Variants in ERICH1 observed in about 807,000 individuals in gnomAD.
ERICH1 encodes glutamate rich 1.
ERICH1 carries 56 observed loss-of-function variants against 39.6 expected under a neutral mutation model. The ratio of observed to expected loss-of-function variants is 1.41; its 90% CI spans 1.14 to 1.77. The LOEUF is 1.77. Among genes scored for constraint, ERICH1 ranks in the 40% most tolerant of loss-of-function variants. The pLI, the probability that ERICH1 is intolerant of heterozygous loss-of-function variation, is 0.00. For missense variants in ERICH1, 826 were observed against 575.4 expected (o/e 1.44, Z -4.45); for synonymous variants, 313 against 223.6 (o/e 1.40, Z -3.57).
At chr8:693,235 G>A (rs1478860923) in intron 2 of ERICH1, among the ~76,000 whole-genome samples, 1 of 151,732 alleles carries the variant, frequency 6.6e-6, no homozygotes, top group Non-Finnish European at 1.5e-5. Flanking sequence ...CACACAGAGA[G>A]ATACACAAAT....
chr8:624,406 C>A (rs1187002155), intron 3 of ERICH1, among the ~76,000 whole-genome samples: 1 of 152,252 alleles, frequency 6.6e-6, no homozygotes, highest in Non-Finnish European at 1.5e-5. Flanking sequence ...TGCAGTTCTA[C>A]TCCTAGGCAC....
At chr8:692,031 A>T (rs1809017228) in intron 3 of ERICH1, among the ~76,000 whole-genome samples, 2 of 152,192 alleles carry the variant, frequency 1.3e-5, no homozygotes, top group Admixed American at 6.5e-5. Flanking sequence ...AATTATAATA[A>T]TTTTTTCCAA....
Position 673,587 on chromosome 8 carries a change from C to G in ERICH1, c.765G>C (p.Glu255Asp), listed in dbSNP as rs1328574532. The change falls in exon 4 of 6, where the codon GAG (glutamate) becomes GAC (aspartate). Residue 255 changes from glutamate (E) to aspartate (D), a missense_variant. Transcript: ENST00000262109. ...ARQEEGADAS[E>D]EDPTPAGEED... is the part of the protein sequence containing the mutation. ...CCTCCCCGGCCGGTGTCGGATCTTC[C>G]TCACTGGCGTCCGCACCCTCTTCCT... 6.4e-7 allele frequency: 1 copy of G among 1,553,868 alleles called. No individual in the cohort carries two copies. The highest frequency in any genetic ancestry group is 8.8e-7 in the Non-Finnish European group (1 of 1,132,390).
chr8:725,558 C>T (rs2132455420), intron 1 of ERICH1, among the ~76,000 whole-genome samples: 1 of 152,266 alleles, frequency 6.6e-6, no homozygotes, highest in East Asian at 1.9e-4. Flanking sequence ...ACTTCCCTCT[C>T]CAGCTGTACA....
intron 2 of ERICH1, among the ~76,000 whole-genome samples, chr8:715,045 G>T (rs1815546452): frequency 6.8e-6 from 1 of 146,406 alleles, no homozygotes; most frequent in Admixed American, 6.8e-5. Flanking sequence ...CTATTCCCGT[G>T]TCTCTCGGTG....
intron 3 of ERICH1, among the ~76,000 whole-genome samples, chr8:643,062 C>T (rs574761380): frequency 3.3e-5 from 5 of 152,324 alleles, no homozygotes; most frequent in South Asian, 4.2e-4. Context: ...TGGATAAGCA[C>T]CCCGCCCCTC....
intron 3 of ERICH1, among the ~76,000 whole-genome samples, chr8:627,812 A>G (rs1797679807): frequency 6.6e-6 from 1 of 152,188 alleles, no homozygotes; most frequent in African/African-American, 2.4e-5. Context: ...TGGTCATAGC[A>G]AAGAGCCAGC....
intron 3 of ERICH1, among the ~76,000 whole-genome samples, chr8:688,881 TCTA>T (rs1228538205): frequency 6.6e-6 from 1 of 152,220 alleles, no homozygotes; most frequent in African/African-American, 2.4e-5. Flanking sequence ...AGCGCTGAAC[TCTA>T]AAGGGAATAC....
chr8:654,726 G>A (rs1472337858), intron 3 of ERICH1, among the ~76,000 whole-genome samples: 1 of 152,144 alleles, frequency 6.6e-6, no homozygotes, highest in Non-Finnish European at 1.5e-5. Flanking sequence ...CTGCCATGGA[G>A]ATGTCCCCAC....
At chr8:670,130 C>G (rs1802953775) in intron 4 of ERICH1, among the ~76,000 whole-genome samples, 2 of 152,160 alleles carry the variant, frequency 1.3e-5, no homozygotes, top group South Asian at 4.1e-4. Flanking sequence ...CACTAATTCT[C>G]TTTTATACCA....
In ERICH1 at chr8:696,372, C is replaced by T. The variant is rs1384634294; in HGVS notation, c.170-3760G>A. Among the ~76,000 whole-genome samples, 7 of 16,250 alleles carry T rather than the reference C, an allele frequency of 4.3e-4. 1 individual carries two copies. Among genetic ancestry groups the T allele is most frequent in the African/African-American group, 3.3e-3 (7 of 2,090 alleles). The allele number at this position is 16,250 out of a possible 152,430, so 10.7% of individuals were successfully genotyped here. A position where few individuals can be genotyped will look rare whatever the true frequency, so the allele number is the denominator to read the frequency against. On this transcript the variant is annotated intron_variant, in intron 2 of 5. Coordinates refer to ENST00000262109, the MANE Select transcript of ERICH1 (RefSeq NM_207332.3). ...TCTCCTTCCTCCCCATCAGCCTGCGCTCGCTCCTCACCCTCCACTCTTCTC... is the reference window on the plus strand; with the variant it reads ...TCTCCTTCCTCCCCATCAGCCTGCGTTCGCTCCTCACCCTCCACTCTTCTC...
At position 708,689 on chromosome 8, in the gene ERICH1, T is replaced by TTTGTTTTTTG. The variant is rs1554526241; in HGVS notation, c.169+7171_169+7172insCAAAAAACAA. Among the ~76,000 whole-genome samples, 4 of 36,348 alleles carry TTTGTTTTTTG rather than the reference T, an allele frequency of 1.1e-4. 1 individual carries two copies. Among genetic ancestry groups the TTTGTTTTTTG allele is most frequent in the African/African-American group, 2.8e-4 (4 of 14,044 alleles). 23.8% of individuals were successfully genotyped at this position (36,348 alleles called of 152,430 possible). A position where few individuals can be genotyped will look rare whatever the true frequency, so the allele number is the denominator to read the frequency against. On this transcript the variant is annotated intron_variant, in intron 2 of 5. Transcript: ENST00000262109. ...TGGTTACGGGATAATGAGTTTTTTT[T>TTTGTTTTTTG]TTTTTTTTTTTTTTTTTTTTTTGAG...
rs111542335 is a variant in ERICH1 at position 630,429 on chromosome 8, A to G, written c.977-15145T>C. On this transcript the variant is annotated intron_variant, in intron 3 of 3. Transcript: ENST00000522706. ...CACACCCTCCTGTGACCACCCACAC[A>G]GACAGAGATGACTCACACCCTCCCG... 1.6e-3 allele frequency among the ~76,000 whole-genome samples: 146 copies of G among 94,128 alleles called. 1 individual carries two copies. Among genetic ancestry groups the G allele is most frequent in the South Asian group, 5.8e-3 (14 of 2,420 alleles). The allele number at this position is 94,128 out of a possible 152,430, so 61.8% of individuals were successfully genotyped here. A position where few individuals can be genotyped will look rare whatever the true frequency, so the allele number is the denominator to read the frequency against.
At chr8:712,255 A>T (rs906645259) in intron 2 of ERICH1, among the ~76,000 whole-genome samples, 3 of 152,216 alleles carry the variant, frequency 2.0e-5, no homozygotes, top group African/African-American at 7.2e-5. Context: ...TATCTCTATA[A>T]TATCGAGTCT....
At chr8:703,472 G>A (rs989709057) in intron 2 of ERICH1, among the ~76,000 whole-genome samples, 3 of 152,170 alleles carry the variant, frequency 2.0e-5, no homozygotes, top group Non-Finnish European at 4.4e-5. Flanking sequence ...GGAGAAAAAG[G>A]GGGGCAGGCA....
intron 3 of ERICH1, among the ~76,000 whole-genome samples, chr8:638,597 G>A (rs760755066): frequency 1.3e-5 from 2 of 152,168 alleles, no homozygotes; most frequent in African/African-American, 4.8e-5. Flanking sequence ...TAAATACAGT[G>A]AAACTGTCTT....
At chr8:632,520 T>A (rs1301509510) in intron 3 of ERICH1, among the ~76,000 whole-genome samples, 1 of 152,210 alleles carries the variant, frequency 6.6e-6, no homozygotes, top group East Asian at 1.9e-4. Context: ...TTATGAACAT[T>A]GTTTTGGGGA....
intron 2 of ERICH1, among the ~76,000 whole-genome samples, chr8:709,422 C>A (rs371171328): frequency 6.6e-6 from 1 of 152,212 alleles, no homozygotes; most frequent in South Asian, 2.1e-4. Flanking sequence ...CGTGTGCCCA[C>A]CAATCCTGAT....
Position 715,499 on chromosome 8 carries a change from G to A in ERICH1, c.169+362C>T, listed in dbSNP as rs886702481. 3.3e-5 allele frequency among the ~76,000 whole-genome samples: 5 copies of A among 152,360 alleles called. No homozygotes were observed. The South Asian group carries it at 8.3e-4, about 25-fold the overall frequency. On this transcript the variant is annotated intron_variant, in intron 2 of 5. Coordinates refer to ENST00000262109, the MANE Select transcript of ERICH1 (RefSeq NM_207332.3). The stretch of plus-strand genomic sequence containing the variant: ...TGTCCCTGAGTGGGCACAAGCCAAC[G>A]GGGCCAAGGGGGCCACCACAGTGAC...
Sources: allele counts gnomAD v4.1 joint callset (sites outside exome capture counted in the v4.1 genomes callset), GRCh38; gene constraint gnomAD v4.1.1; transcripts MANE v1.5; gene names NCBI Gene and HGNC (gene_info 2026-07-23, HGNC 2026-07-21).